Variants in NRCAM observed in about 807,000 individuals in gnomAD.
NRCAM encodes neuronal cell adhesion molecule.
A neutral mutation model predicts 156.5 loss-of-function variants in NRCAM; 83 were observed. The ratio of observed to expected loss-of-function variants is 0.53; its 90% confidence interval spans 0.44 to 0.64. The LOEUF is 0.64. NRCAM is among the 30% of genes least tolerant of loss of function. The probability of loss-of-function intolerance (pLI) is 0.00; values close to 1 mark genes in which losing one functional copy is unlikely to be tolerated. For missense variants in NRCAM, 1,417 were observed against 1,597.3 expected (o/e 0.89, Z 1.92); for synonymous variants, 538 against 563.9 (o/e 0.95, Z 0.65).
At chr7:108,194,804 C>G (rs1016293994) in intron 15 of NRCAM, among the ~76,000 whole-genome samples, 3 of 152,218 alleles carry the variant, frequency 2.0e-5, no homozygotes, top group East Asian at 1.9e-4. Context: ...TAGGACCTGA[C>G]AGATGATCAG....
intron 1 of NRCAM, among the ~76,000 whole-genome samples, chr7:108,452,595 G>A (rs1405114589): frequency 2.6e-5 from 4 of 152,172 alleles, no homozygotes; most frequent in Admixed American, 6.6e-5. Context: ...TTCAGGTAGG[G>A]AAGCATAAAA....
At chr7:108,220,316 C>A (rs1480310451) in intron 11 of NRCAM, among the ~76,000 whole-genome samples, 1 of 152,058 alleles carries the variant, frequency 6.6e-6, no homozygotes, top group Non-Finnish European at 1.5e-5. Flanking sequence ...CAAAATACCA[C>A]CATTATTCTT....
chr7:108,385,473 T>C (rs905384084), intron 2 of NRCAM, among the ~76,000 whole-genome samples: 2 of 152,288 alleles, frequency 1.3e-5, no homozygotes, highest in Non-Finnish European at 2.9e-5. Flanking sequence ...TGTGCTCAAA[T>C]GAGAAAGGTT....
At chr7:108,316,788 CAAA>C (rs35502722) in intron 2 of NRCAM, among the ~76,000 whole-genome samples, 7 of 124,860 alleles carry the variant, frequency 5.6e-5, no homozygotes, top group Admixed American at 1.6e-4. Context: ...GACTCCATCT[CAAA>C]AAAAAAAAAA....
At chr7:108,295,384 TA>T (rs1321855980) in intron 3 of NRCAM, among the ~76,000 whole-genome samples, 2 of 152,220 alleles carry the variant, frequency 1.3e-5, no homozygotes. Context: ...AACAGAAATT[TA>T]CTTGTCACAA....
intron 1 of NRCAM, among the ~76,000 whole-genome samples, chr7:108,431,896 A>C (rs1282155981): frequency 1.3e-5 from 2 of 152,266 alleles, no homozygotes; most frequent in African/African-American, 4.8e-5. Context: ...TATGCAAGCC[A>C]AACCAAAAGG....
intron 2 of NRCAM, among the ~76,000 whole-genome samples, chr7:108,347,443 T>C (rs776643976): frequency 2.6e-5 from 4 of 152,122 alleles, no homozygotes; most frequent in Non-Finnish European, 4.4e-5. Context: ...AAAGAAGCTA[T>C]GGAGATAAAC....
chr7:108,318,203 G>A (rs1677163432), intron 2 of NRCAM, among the ~76,000 whole-genome samples: 1 of 151,524 alleles, frequency 6.6e-6, no homozygotes, highest in Admixed American at 6.6e-5. Flanking sequence ...CGGCCACCAT[G>A]CCCGGCTAAT....
At chr7:108,306,624 A>G (rs920123418) in intron 3 of NRCAM, among the ~76,000 whole-genome samples, 4 of 152,172 alleles carry the variant, frequency 2.6e-5, no homozygotes, top group African/African-American at 9.7e-5. Flanking sequence ...AAAACCTCCC[A>G]CTTATCTTTT....
intron 11 of NRCAM, among the ~76,000 whole-genome samples, chr7:108,218,907 A>G (rs1230801300): frequency 6.6e-6 from 1 of 152,212 alleles, no homozygotes; most frequent in African/African-American, 2.4e-5. Context: ...ACAAAAGATA[A>G]ATGAAACAAA....
intron 3 of NRCAM, among the ~76,000 whole-genome samples, chr7:108,304,280 T>C (rs1055743668): frequency 2.6e-5 from 4 of 152,174 alleles, no homozygotes; most frequent in Admixed American, 2.6e-4. Flanking sequence ...TCCAAACCAG[T>C]CATAAACCTT....
chr7:108,153,927 A>G (rs1366677962), intron 32 of NRCAM, among the ~76,000 whole-genome samples: 2 of 152,166 alleles, frequency 1.3e-5, no homozygotes, highest in East Asian at 1.9e-4. Flanking sequence ...GAAGATCTGA[A>G]TGAATGGAGG....
At chr7:108,150,797 T>G (rs760856020) in intron 32 of NRCAM, 1 of 470,658 alleles carries the variant, frequency 2.1e-6, no homozygotes, top group Non-Finnish European at 4.3e-6. Flanking sequence ...TACACAGTAT[T>G]TTTTTGTTTT....
intron 11 of NRCAM, among the ~76,000 whole-genome samples, chr7:108,221,568 G>C (rs2092296595): frequency 6.6e-6 from 1 of 152,180 alleles, no homozygotes; most frequent in African/African-American, 2.4e-5. Context: ...GATGAGAATG[G>C]AGACTATTAT....
At chr7:108,380,488 T>C (rs2099696224) in intron 2 of NRCAM, among the ~76,000 whole-genome samples, 1 of 152,228 alleles carries the variant, frequency 6.6e-6, no homozygotes, top group Non-Finnish European at 1.5e-5. Flanking sequence ...ATGTCCCTTT[T>C]TGGGTTTCCT....
rs374506662 is a variant in NRCAM at position 108,159,551 on chromosome 7, G to A, written c.3599-10C>T. 3.9e-5 allele frequency: 62 copies of A among 1,604,688 alleles called. No homozygotes were observed. The highest frequency in any genetic ancestry group is 5.3e-5 in the Non-Finnish European group (62 of 1,171,946). ...TCTTCCTTTTCTTTAACTAAAAAAT[G>A]CCAAAATGGTATTATTATCTGTTGA... On this transcript the variant is annotated splice_polypyrimidine_tract_variant and intron_variant, in intron 31 of 32. Coordinates refer to ENST00000379028, the MANE Select transcript of NRCAM (RefSeq NM_001037132.4).
chr7:108,316,953 C>A (rs2098933400), intron 2 of NRCAM, among the ~76,000 whole-genome samples: 1 of 152,144 alleles, frequency 6.6e-6, no homozygotes, highest in Non-Finnish European at 1.5e-5. Flanking sequence ...GGTGTGACTG[C>A]AAGGTGTAAG....
intron 11 of NRCAM, among the ~76,000 whole-genome samples, chr7:108,216,169 G>A (rs768027459): frequency 2.0e-5 from 3 of 152,102 alleles, no homozygotes; most frequent in Non-Finnish European, 4.4e-5. Context: ...CTTTACTTAC[G>A]AAGCTTAGTT....
In NRCAM at chr7:108,404,955, G is replaced by A. The variant is rs2154401206; in HGVS notation, c.-331-5362C>T. The stretch of plus-strand genomic sequence containing the variant: ...GTGAGGAGACATTGGCATCAGAGAT[G>A]AGAAAAAGATGGCAATTCCAAGAAA... On this transcript the variant is annotated intron_variant, in intron 1 of 32. Coordinates refer to ENST00000379028, the MANE Select transcript of NRCAM (RefSeq NM_001037132.4). Among the ~76,000 whole-genome samples, 3 of 152,312 alleles carry A rather than the reference G, an allele frequency of 2.0e-5. No individual in the cohort carries two copies. In the South Asian group the frequency reaches 6.2e-4, roughly 32 times the overall value.
Sources: allele counts gnomAD v4.1 joint callset (sites outside exome capture counted in the v4.1 genomes callset), GRCh38; gene constraint gnomAD v4.1.1; transcripts MANE v1.5; gene names NCBI Gene and HGNC (gene_info 2026-07-23, HGNC 2026-07-21).